C9: variants seen among roughly 807,000 people sequenced by gnomAD.
C9 encodes complement C9.
Under a neutral mutation model 65.4 loss-of-function variants are expected in C9, and 63 were observed. That is an observed-to-expected ratio of 0.96 (90% CI 0.79 to 1.19). The LOEUF is 1.19. Among genes scored for constraint, C9 ranks in the 50% most tolerant of loss-of-function variants. C9 has a pLI of 0.00. For missense variants in C9, 744 were observed against 670.1 expected (o/e 1.11, Z -1.22); for synonymous variants, 229 against 227.9 (o/e 1.00, Z -0.04).
intron 5 of C9, among the ~76,000 whole-genome samples, chr5:39,330,258 T>C (rs565161428): frequency 6.6e-6 from 1 of 152,320 alleles, no homozygotes; most frequent in Admixed American, 6.5e-5. Flanking sequence ...CATTGTGATT[T>C]ATATCACACC....
chr5:39,305,163 T>C (rs1753352039), intron 9 of C9, among the ~76,000 whole-genome samples: 1 of 152,166 alleles, frequency 6.6e-6, no homozygotes, highest in Non-Finnish European at 1.5e-5. Flanking sequence ...GTGTTAGATT[T>C]AAATTTAATA....
At chr5:39,321,040 A>T (rs964740144) in intron 5 of C9, among the ~76,000 whole-genome samples, 1 of 152,122 alleles carries the variant, frequency 6.6e-6, no homozygotes, top group African/African-American at 2.4e-5. Context: ...GAGTTCTTCA[A>T]GTTGAAAGAA....
chr5:39,309,028 C>T (rs2111881936), intron 7 of C9, among the ~76,000 whole-genome samples: 1 of 152,214 alleles, frequency 6.6e-6, no homozygotes, highest in South Asian at 2.1e-4. Flanking sequence ...ACTTTGTTTT[C>T]ATCCTATGAA....
chr5:39,316,791 A>T (rs948620707), intron 5 of C9, among the ~76,000 whole-genome samples: 15 of 152,184 alleles, frequency 9.9e-5, no homozygotes, highest in Admixed American at 8.5e-4. Context: ...TATTGTGGAT[A>T]GTGCTGCAAT....
At chr5:39,363,434 G>A (rs28464037) in intron 1 of C9, among the ~76,000 whole-genome samples, 2 of 152,206 alleles carry the variant, frequency 1.3e-5, no homozygotes, top group African/African-American at 4.8e-5. Context: ...CTGGAGACGG[G>A]CATCAAAGTT....
chr5:39,341,609 T>C lies in C9; in HGVS notation c.275A>G (p.Glu92Gly), dbSNP rs1249011521. ...GTCATCCTCAGCATCCTCACAGGGC[T>C]CTGTGGGCACACACTGTCGTCTGTC... ...VGDRRQCVPT[E>G]PCEDAEDDCG... is the part of the protein sequence containing the mutation. Residue 92 changes from glutamate (E) to glycine (G), a missense_variant, in exon 3 of 11, where the codon GAG (glutamate) becomes GGG (glycine). Coordinates refer to ENST00000263408, the MANE Select transcript of C9 (RefSeq NM_001737.5). The C allele has an allele frequency of 6.2e-7, 1 of 1,613,574 alleles. No individual in the cohort carries two copies. Among genetic ancestry groups the C allele is most frequent in the Admixed American group, 1.7e-5 (1 of 60,024 alleles).
intron 5 of C9, among the ~76,000 whole-genome samples, chr5:39,323,394 G>T (rs1234022685): frequency 6.6e-6 from 1 of 151,034 alleles, no homozygotes; most frequent in Non-Finnish European, 1.5e-5. Context: ...TATCCCTGAT[G>T]AACATATATG....
rs184072967 is a variant in C9, at chr5:39,341,418, A to G, written c.329-125T>C. The G allele has an allele frequency of 2.7e-3, 3,809 of 1,428,144 alleles. 3 individuals carry two copies. Among genetic ancestry groups the G allele is most frequent in the Non-Finnish European group, 3.3e-3 (3,315 of 1,012,428 alleles). The allele number at this position is 1,428,144 out of a possible 1,614,324, so 88.5% of individuals were successfully genotyped here. A position where few individuals can be genotyped will look rare whatever the true frequency, so the allele number is the denominator to read the frequency against. On this transcript the variant is annotated intron_variant, in intron 3 of 10. Coordinates refer to ENST00000263408, the MANE Select transcript of C9 (RefSeq NM_001737.5). ...AGAAAAACACATTTGAGTTCTTTGT[A>G]CAGAATATATAGATGGCCTCTTTTG...
At chr5:39,333,941 T>A (rs1264836245) in intron 4 of C9, among the ~76,000 whole-genome samples, 1 of 152,186 alleles carries the variant, frequency 6.6e-6, no homozygotes, top group Non-Finnish European at 1.5e-5. Flanking sequence ...TGGAGTGCAG[T>A]GGCGTGATCT....
chr5:39,362,025 C>T (rs1339273844), intron 1 of C9, among the ~76,000 whole-genome samples: 3 of 152,084 alleles, frequency 2.0e-5, no homozygotes, highest in African/African-American at 7.2e-5. Context: ...TCTTACCATG[C>T]GCCAGGCACA....
At chr5:39,328,794 A>C (rs1753794391) in intron 5 of C9, among the ~76,000 whole-genome samples, 1 of 152,160 alleles carries the variant, frequency 6.6e-6, no homozygotes, top group Admixed American at 6.5e-5. Flanking sequence ...TTGGATTTTC[A>C]AATTTCAGAG....
intron 10 of C9, among the ~76,000 whole-genome samples, chr5:39,287,112 G>C (rs181756658): frequency 6.6e-6 from 1 of 152,018 alleles, no homozygotes; most frequent in Admixed American, 6.6e-5. Flanking sequence ...AATTCTACCA[G>C]AATGAAATAC....
rs189206431 is a variant in C9 at position 39,314,595 on chromosome 5, C to A, written c.870+1180G>T. Among the ~76,000 whole-genome samples the A allele has an allele frequency of 1.4e-4, 21 of 152,194 alleles. No individual in the cohort carries two copies. The East Asian group carries it at 3.7e-3, about 27-fold the overall frequency. ...CAAGGTAACTTTTCTAACTTTTTAT[C>A]CTTCTGATTCAATTTGACTAACTTT... On this transcript the variant is annotated intron_variant, in intron 6 of 10. Coordinates refer to ENST00000263408, the MANE Select transcript of C9 (RefSeq NM_001737.5).
At chr5:39,333,737 G>A (rs541945729) in intron 4 of C9, among the ~76,000 whole-genome samples, 13 of 152,128 alleles carry the variant, frequency 8.5e-5, no homozygotes, top group East Asian at 3.9e-4. Context: ...TCAGCCTGCC[G>A]AGTGCCTGCG....
At chr5:39,351,342 A>G (rs1196230254) in intron 1 of C9, among the ~76,000 whole-genome samples, 1 of 152,232 alleles carries the variant, frequency 6.6e-6, no homozygotes, top group African/African-American at 2.4e-5. Flanking sequence ...TGTCTTGGCT[A>G]TTAACATTTG....
chr5:39,333,775 C>G (rs1004121204), intron 4 of C9, among the ~76,000 whole-genome samples: 1 of 151,718 alleles, frequency 6.6e-6, no homozygotes, highest in African/African-American at 2.4e-5. Context: ...CCACGCCTGA[C>G]TGGTTTTCGT....
At chr5:39,295,584 C>T (rs939270998) in intron 9 of C9, among the ~76,000 whole-genome samples, 7 of 151,224 alleles carry the variant, frequency 4.6e-5, no homozygotes, top group East Asian at 3.9e-4. Context: ...CTCCAGGCTT[C>T]GGCCTTACTA....
At chr5:39,316,932 C>A (rs1753578721) in intron 5 of C9, among the ~76,000 whole-genome samples, 1 of 152,140 alleles carries the variant, frequency 6.6e-6, no homozygotes, top group African/African-American at 2.4e-5. Flanking sequence ...CACTGTCTTC[C>A]ACAATAGTTG....
At chr5:39,354,936 GT>G (rs771928780) in intron 1 of C9, among the ~76,000 whole-genome samples, 1 of 152,098 alleles carries the variant, frequency 6.6e-6, no homozygotes, top group Admixed American at 6.6e-5. Context: ...AACATCATTG[GT>G]TTCAGGAATT....
Sources: allele counts gnomAD v4.1 joint callset (sites outside exome capture counted in the v4.1 genomes callset), GRCh38; gene constraint gnomAD v4.1.1; transcripts MANE v1.5; gene names NCBI Gene and HGNC (gene_info 2026-07-23, HGNC 2026-07-21).